FARP1: variants seen among roughly 807,000 people sequenced by gnomAD.
The protein encoded by FARP1 is FERM, ARHGEF and pleckstrin domain-containing protein 1.
In FARP1, 52 loss-of-function variants were observed where a neutral mutation model predicts 128.8. That is an observed-to-expected ratio of 0.40 (90% confidence interval 0.32 to 0.51). The LOEUF is 0.51. Among genes scored for constraint, FARP1 ranks in the 20% least tolerant of loss-of-function variants. The pLI, the probability that FARP1 is intolerant of heterozygous loss-of-function variation, is 0.45. For synonymous variants in FARP1, 580 were observed against 551.8 expected, an observed-to-expected ratio of 1.05 and a Z score of -0.72; for missense variants, 1,333 against 1,367.9, an observed-to-expected ratio of 0.97 and a Z score of 0.40.
chr13:98,216,603 C>CA (rs977057450), intron 2 of FARP1, among the ~76,000 whole-genome samples: 1 of 151,978 alleles, frequency 6.6e-6, no homozygotes, highest in Non-Finnish European at 1.5e-5. Flanking sequence ...GAATTATAGG[C>CA]AAAGCAGTCA....
intron 1 of FARP1, among the ~76,000 whole-genome samples, chr13:98,202,461 C>A (rs1333498106): frequency 1.3e-5 from 2 of 152,210 alleles, no homozygotes; most frequent in Non-Finnish European, 2.9e-5. Flanking sequence ...TTGAATAACA[C>A]GTTTCTGTGA....
intron 3 of FARP1, among the ~76,000 whole-genome samples, chr13:98,361,940 C>G (rs1888890188): frequency 6.6e-6 from 1 of 152,170 alleles, no homozygotes; most frequent in South Asian, 2.1e-4. Context: ...CCCTCCCTTT[C>G]TTAAATACAT....
intron 1 of FARP1, among the ~76,000 whole-genome samples, chr13:98,212,611 ATAGT>A (rs1416441502): frequency 1.4e-5 from 2 of 142,130 alleles, no homozygotes; most frequent in African/African-American, 5.3e-5. Context: ...GAAAGGGGAA[ATAGT>A]TGGGGGGGTG....
intron 13 of FARP1, chr13:98,404,977 A>T (rs981794538): frequency 3.9e-5 from 6 of 152,198 alleles, no homozygotes; most frequent in African/African-American, 1.4e-4. Flanking sequence ...GACCCATTTA[A>T]AAAACAGGAC....
intron 26 of FARP1, chr13:98,447,174 A>G (rs1259484685): frequency 9.6e-6 from 2 of 209,230 alleles, no homozygotes; most frequent in Non-Finnish European, 1.9e-5. Context: ...GAAATGCAAC[A>G]GTCAGGCCTA....
intron 2 of FARP1, chr13:98,328,526 T>A (rs1337604685): frequency 5.3e-5 from 8 of 152,250 alleles, no homozygotes; most frequent in Admixed American, 5.2e-4. Context: ...TTCTTTTTCC[T>A]TCTTCACAGT....
At chr13:98,355,206 A>G (rs9517268) in intron 3 of FARP1, among the ~76,000 whole-genome samples, 1,560 of 152,118 alleles carry the variant, frequency 0.01, 17 homozygotes, top group Middle Eastern at 0.027. Context: ...CTAGCCAGGC[A>G]TGGTGGCTCA....
intron 1 of FARP1, chr13:98,177,127 G>A (rs574133458): frequency 2.5e-6 from 4 of 1,603,854 alleles, no homozygotes; most frequent in Admixed American, 1.7e-5. Context: ...GTCGCAGGCC[G>A]GGCGCTTTCT....
intron 2 of FARP1, among the ~76,000 whole-genome samples, chr13:98,223,567 C>T (rs1387176948): frequency 6.6e-6 from 1 of 152,144 alleles, no homozygotes; most frequent in African/African-American, 2.4e-5. Context: ...CTCAGGTGAT[C>T]CACCCGCCTC....
At chr13:98,289,787 G>A (rs929920967) in intron 2 of FARP1, among the ~76,000 whole-genome samples, 2 of 151,344 alleles carry the variant, frequency 1.3e-5, no homozygotes, top group Admixed American at 6.6e-5. Flanking sequence ...ATAAGCAGAC[G>A]CCCTCCCGAA....
chr13:98,268,267 G>T (rs1192196296), intron 2 of FARP1, among the ~76,000 whole-genome samples: 2 of 152,120 alleles, frequency 1.3e-5, no homozygotes, highest in Admixed American at 1.3e-4. Flanking sequence ...AAGACCAAGT[G>T]GACCACAAAG....
intron 4 of FARP1, among the ~76,000 whole-genome samples, chr13:98,366,048 T>C (rs1889070328): frequency 6.6e-6 from 1 of 152,124 alleles, no homozygotes; most frequent in Non-Finnish European, 1.5e-5. Flanking sequence ...TTCTCTCTCT[T>C]CTTGTGTCTT....
chr13:98,419,582 T>C (rs1891515908), intron 16 of FARP1, among the ~76,000 whole-genome samples: 1 of 152,088 alleles, frequency 6.6e-6, no homozygotes, highest in Admixed American at 6.6e-5. Flanking sequence ...GATATATTAA[T>C]GTAGGATCCG....
intron 16 of FARP1, among the ~76,000 whole-genome samples, chr13:98,419,155 A>T (rs1486888490): frequency 2.6e-5 from 4 of 152,182 alleles, no homozygotes; most frequent in Non-Finnish European, 4.4e-5. Flanking sequence ...CACATATATC[A>T]CATGTGGCTG....
intron 2 of FARP1, among the ~76,000 whole-genome samples, chr13:98,315,345 A>G (rs1394656559): frequency 4.6e-5 from 7 of 152,098 alleles, no homozygotes; most frequent in East Asian, 3.9e-4. Flanking sequence ...GGCTCAAGCA[A>G]TGCCCCGCCT....
intron 21 of FARP1, 131 bp downstream of exon 21, chr13:98,439,327 C>G: frequency 1.5e-6 from 1 of 655,764 alleles, no homozygotes; most frequent in Non-Finnish European, 2.7e-6. Context: ...ATCTTGGTTA[C>G]AAGACATGGG....
chr13:98,387,448 C>T (rs60009162), intron 8 of FARP1, among the ~76,000 whole-genome samples: 6,229 of 152,300 alleles, frequency 0.041, 459 homozygotes, highest in African/African-American at 0.14. Flanking sequence ...GACACAATCC[C>T]TAAGTATTGG....
chr13:98,390,236 C>A, intron 10 of FARP1, 116 bp downstream of exon 10: 1 of 1,154,946 alleles, frequency 8.7e-7, no homozygotes. Context: ...CCTCCAGGAG[C>A]TATGGCCAAG....
At position 98,377,582 on chromosome 13, in the gene FARP1, C is replaced by G. The variant is rs2140008755; in HGVS notation, c.399-239C>G. Among the ~76,000 whole-genome samples, 4 of 152,294 alleles carry G rather than the reference C, an allele frequency of 2.6e-5. No homozygotes were observed. In the Middle Eastern group the frequency reaches 0.01, roughly 389 times the overall value. The stretch of plus-strand genomic sequence containing the variant: ...TATGGTCTCACATTTTTATGGCTCT[C>G]TCTCCCTATGTAAAATGAAACATAT... On this transcript the variant is annotated intron_variant, in intron 5 of 26. Coordinates refer to ENST00000319562, the MANE Select transcript of FARP1 (RefSeq NM_005766.4).
Sources: gnomAD v4.1 joint callset for allele counts (sites outside exome capture counted in the v4.1 genomes callset) on GRCh38, gnomAD v4.1.1 for gene constraint, MANE v1.5 for transcripts, NCBI Gene and HGNC (gene_info 2026-07-23, HGNC 2026-07-21) for gene names.